DYNC2I1: variants seen among roughly 807,000 people sequenced by gnomAD.
DYNC2I1 encodes the protein dynein 2 intermediate chain 1, also known as cytoplasmic dynein 2 intermediate chain 1.
A neutral mutation model predicts 133.4 loss-of-function variants in DYNC2I1; 89 were observed. The observed-to-expected ratio is 0.67, with a 90% CI of 0.56 to 0.80. The LOEUF is 0.80. Ranked by LOEUF, DYNC2I1 falls within the 30% of genes least tolerant of loss-of-function variation. The pLI is 0.00. For missense variants in DYNC2I1, 1,291 were observed against 1,314.5 expected (o/e 0.98, Z 0.28); for synonymous variants, 504 against 484.3 (o/e 1.04, Z -0.54).
At chr7:158,880,908 G>C (rs944223970) in intron 5 of DYNC2I1, among the ~76,000 whole-genome samples, 2 of 152,132 alleles carry the variant, frequency 1.3e-5, no homozygotes, top group Non-Finnish European at 2.9e-5. Flanking sequence ...CAAAATCTTT[G>C]CAAGAGTCAG....
intron 7 of DYNC2I1, 73 bp from the exon 8 acceptor site, chr7:158,891,192 G>A (rs925684062): frequency 7.1e-6 from 11 of 1,547,124 alleles, no homozygotes; most frequent in Admixed American, 1.7e-5. Flanking sequence ...GGTGGGGTGG[G>A]GGGGAGCTGC....
intron 8 of DYNC2I1, among the ~76,000 whole-genome samples, chr7:158,898,675 A>G (rs1362510372): frequency 6.6e-6 from 1 of 152,200 alleles, no homozygotes; most frequent in South Asian, 2.1e-4. Context: ...TGATTGGTAC[A>G]TTTAGATCAT....
At chr7:158,925,148 C>T (rs1245762738) in intron 17 of DYNC2I1, among the ~76,000 whole-genome samples, 1 of 152,228 alleles carries the variant, frequency 6.6e-6, no homozygotes, top group East Asian at 1.9e-4. Context: ...GACCATGAGT[C>T]AGAGGAACCA....
intron 5 of DYNC2I1, among the ~76,000 whole-genome samples, chr7:158,882,385 A>G (rs1844122288): frequency 6.6e-6 from 1 of 151,986 alleles, no homozygotes; most frequent in Admixed American, 6.6e-5. Context: ...GGAGTTCAAG[A>G]CCAGCCTGAG....
intron 24 of DYNC2I1, among the ~76,000 whole-genome samples, chr7:158,944,648 G>T (rs939001208): frequency 1.4e-4 from 22 of 152,200 alleles, no homozygotes; most frequent in African/African-American, 4.8e-4. Context: ...CAGGGAGGGG[G>T]TGCACTCAGG....
intron 23 of DYNC2I1, among the ~76,000 whole-genome samples, chr7:158,940,850 G>C (rs1464744350): frequency 6.6e-6 from 1 of 152,172 alleles, no homozygotes; most frequent in Non-Finnish European, 1.5e-5. Context: ...GAGAGAAGTT[G>C]ATAGTAATAA....
chr7:158,909,502 G>A (rs993324166), intron 11 of DYNC2I1, among the ~76,000 whole-genome samples: 1 of 152,068 alleles, frequency 6.6e-6, no homozygotes, highest in Non-Finnish European at 1.5e-5. Flanking sequence ...CATGAAAAAC[G>A]CTCCAGTGAT....
intron 14 of DYNC2I1, among the ~76,000 whole-genome samples, chr7:158,916,250 G>C (rs867908286): frequency 1.9e-5 from 1 of 53,886 alleles, no homozygotes; most frequent in African/African-American, 6.1e-5. Flanking sequence ...ATTGTGAAAC[G>C]TCTACACGCT....
intron 4 of DYNC2I1, among the ~76,000 whole-genome samples, chr7:158,878,583 A>G (rs1843629981): frequency 1.1e-5 from 1 of 94,846 alleles, no homozygotes; most frequent in Non-Finnish European, 2.1e-5. Context: ...GGAGGCGAGG[A>G]GGGGAGGCCA....
chr7:158,840,091 A>G, the DYNC2I1 span, among the ~76,000 whole-genome samples: 2 of 152,096 alleles, frequency 1.3e-5, no homozygotes, highest in Non-Finnish European at 2.9e-5. Context: ...CTGGGGTTAC[A>G]GGTGTGAGCC....
chr7:158,860,859 T>C (rs576650152), intron 1 of DYNC2I1, among the ~76,000 whole-genome samples: 1 of 152,356 alleles, frequency 6.6e-6, no homozygotes, highest in Non-Finnish European at 1.5e-5. Flanking sequence ...CAATGCCGTT[T>C]CATTCTGTTT....
chr7:158,921,979 C>T (rs987377843), intron 15 of DYNC2I1, among the ~76,000 whole-genome samples: 3 of 152,220 alleles, frequency 2.0e-5, no homozygotes, highest in East Asian at 3.8e-4. Context: ...CAGTGTGCCA[C>T]GTGGTGTTCC....
intron 8 of DYNC2I1, among the ~76,000 whole-genome samples, chr7:158,892,437 A>AT (rs1845317667): frequency 6.6e-6 from 1 of 151,940 alleles, no homozygotes. Flanking sequence ...AGACTTTATT[A>AT]TTTTTTATTT....
At chr7:158,892,595 C>G (rs1845338961) in intron 8 of DYNC2I1, among the ~76,000 whole-genome samples, 1 of 150,844 alleles carries the variant, frequency 6.6e-6, no homozygotes, top group South Asian at 2.1e-4. Flanking sequence ...GCATGAGACA[C>G]TACTCCTGGC....
At chr7:158,922,734 T>C (rs1849228292) in intron 16 of DYNC2I1, among the ~76,000 whole-genome samples, 185 bp downstream of exon 16, 1 of 152,130 alleles carries the variant, frequency 6.6e-6, no homozygotes, top group Non-Finnish European at 1.5e-5. Context: ...GACACATGGG[T>C]GTGCTTGTAG....
At chr7:158,939,108 C>G (rs1408111320) in intron 23 of DYNC2I1, among the ~76,000 whole-genome samples, 2 of 151,932 alleles carry the variant, frequency 1.3e-5, no homozygotes, top group Non-Finnish European at 2.9e-5. Context: ...TATTTGTATT[C>G]TAAGGTAAGT....
chr7:158,927,257 G>C (rs535637131), intron 20 of DYNC2I1, among the ~76,000 whole-genome samples: 1 of 151,802 alleles, frequency 6.6e-6, no homozygotes, highest in African/African-American at 2.4e-5. Flanking sequence ...TCAAAAATTG[G>C]CTGGGCGTGG....
At chr7:158,842,319 G>A in the DYNC2I1 span, among the ~76,000 whole-genome samples, 2 of 152,184 alleles carry the variant, frequency 1.3e-5, no homozygotes, top group African/African-American at 2.4e-5. Context: ...GAGCCACCAC[G>A]CCCAGCCGGG....
chr7:158,898,949 A>G (rs1845985981), intron 8 of DYNC2I1, among the ~76,000 whole-genome samples: 1 of 150,634 alleles, frequency 6.6e-6, no homozygotes, highest in South Asian at 2.1e-4. Context: ...AGACTGTATC[A>G]CTCCCATTCC....
Sources: gnomAD v4.1 joint callset for allele counts (sites outside exome capture counted in the v4.1 genomes callset) on GRCh38, gnomAD v4.1.1 for gene constraint, MANE v1.5 for transcripts, NCBI Gene and HGNC (gene_info 2026-07-23, HGNC 2026-07-21) for gene names.